Variants in MATR3 observed in about 807,000 individuals in gnomAD.
MATR3 encodes the protein matrin-3.
Under a neutral mutation model 85.5 loss-of-function variants are expected in MATR3, and 4 were observed. The ratio of observed to expected loss-of-function variants is 0.05; its 90% confidence interval spans 0.02 to 0.11. The LOEUF (loss-of-function observed/expected upper bound fraction) is 0.11, where lower values mean the gene tolerates loss of function less well. MATR3 is among the 10% of genes least tolerant of loss of function. MATR3 has a pLI of 1.00. For synonymous variants in MATR3, 336 were observed against 343.1 expected (o/e 0.98, Z 0.23); for missense variants, 685 against 1,016.1 (o/e 0.67, Z 4.43).
exon 1 of MATR3, chr5:139,274,150 G>A (rs568611555): frequency 2.1e-5 from 9 of 429,776 alleles, no homozygotes; most frequent in East Asian, 1.4e-4. Context: ...GCGGAGCTCC[G>A]AACACGTGCG....
intron 3 of MATR3, chr5:139,283,222 G>C (rs766534885): frequency 2.6e-5 from 4 of 152,230 alleles, no homozygotes; most frequent in Non-Finnish European, 5.9e-5. Context: ...TTGAAGGAGA[G>C]GGAAGATGCC....
intron 1 of MATR3, among the ~76,000 whole-genome samples, chr5:139,304,588 G>C (rs1389336870): frequency 6.6e-6 from 1 of 152,166 alleles, no homozygotes; most frequent in Non-Finnish European, 1.5e-5. Flanking sequence ...TAGTTTTTAG[G>C]GGGGTGCAGG....
In MATR3 at chr5:139,331,156, C is replaced by G. The variant is rs1408445740; in HGVS notation, c.*1761C>G. The G allele has an allele frequency of 4.4e-6, 2 of 454,072 alleles. No individual in the cohort carries two copies. Among genetic ancestry groups the G allele is most frequent in the Non-Finnish European group, 4.4e-6 (1 of 226,776 alleles). The allele number at this position is 454,072 out of a possible 1,614,324, so 28.1% of individuals were successfully genotyped here. On this transcript the variant is annotated 3_prime_UTR_variant, in exon 15 of 15. Transcript: ENST00000394805. ...GGATAGGCATTGTCTTTCAAATGTT[C>G]AGACCCCAGTTTATTAAAGGATACT...
intron 9 of MATR3, among the ~76,000 whole-genome samples, chr5:139,320,878 G>T (rs142101620): frequency 6.7e-6 from 1 of 148,298 alleles, no homozygotes; most frequent in African/African-American, 2.5e-5. Flanking sequence ...TTCCCCAGTA[G>T]CTGGGACCAC....
intron 3 of MATR3, chr5:139,283,376 T>C (rs1021322446): frequency 3.9e-5 from 6 of 152,148 alleles, no homozygotes; most frequent in Non-Finnish European, 7.3e-5. Context: ...CCCCAGCAAG[T>C]GATGGGTTGG....
chr5:139,320,571 TC>T (rs1293956396), intron 9 of MATR3, among the ~76,000 whole-genome samples: 1 of 152,130 alleles, frequency 6.6e-6, no homozygotes, highest in Non-Finnish European at 1.5e-5. Flanking sequence ...CCACTGTACT[TC>T]AGCATAGGCA....
At chr5:139,310,246 CT>C (rs1275063346) in intron 2 of MATR3, 1 of 152,146 alleles carries the variant, frequency 6.6e-6, no homozygotes, top group Non-Finnish European at 1.5e-5. Context: ...GCAAGAGGTA[CT>C]TTTAGCCTGT....
At chr5:139,326,955 A>C (rs1456321677) in intron 14 of MATR3, among the ~76,000 whole-genome samples, 2 of 152,232 alleles carry the variant, frequency 1.3e-5, no homozygotes, top group African/African-American at 4.8e-5. Context: ...AATAATTTTT[A>C]ATATTGACAT....
intron 2 of MATR3, among the ~76,000 whole-genome samples, chr5:139,276,540 CTG>C (rs1753282524): frequency 6.6e-6 from 1 of 152,178 alleles, no homozygotes; most frequent in African/African-American, 2.4e-5. Flanking sequence ...AAGGTTTAAT[CTG>C]TGAGAGCATG....
intron 14 of MATR3, among the ~76,000 whole-genome samples, chr5:139,326,926 G>A (rs1425148989): frequency 6.6e-6 from 1 of 152,094 alleles, no homozygotes; most frequent in East Asian, 1.9e-4. Context: ...ACTAAAAGTG[G>A]CATGACCATT....
At chr5:139,321,699 G>A (rs1308339290) in intron 9 of MATR3, 199 bp from the exon 10 acceptor site, 2 of 589,522 alleles carry the variant, frequency 3.4e-6, no homozygotes, top group Admixed American at 5.9e-5. Context: ...GGGAGGATCA[G>A]TTGGGCCCAG....
rs943871644 is a variant in MATR3 at position 139,330,340 on chromosome 5, A to G, written c.*945A>G. The G allele has an allele frequency of 2.2e-6, 1 of 454,330 alleles. No individual in the cohort carries two copies. Among genetic ancestry groups the G allele is most frequent in the East Asian group, 6.9e-5 (1 of 14,412 alleles). The allele number at this position is 454,330 out of a possible 1,614,324, so 28.1% of individuals were successfully genotyped here. On this transcript the variant is annotated 3_prime_UTR_variant, in exon 15 of 15. Transcript: ENST00000394805. Reference sequence around the variant, plus strand: ...TGTTTACTTGTAACTTTCTGGTTATATACTGCTTATATCTGTGGATTCAAG... The same window carrying G: ...TGTTTACTTGTAACTTTCTGGTTATGTACTGCTTATATCTGTGGATTCAAG...
At chr5:139,295,969 G>T (rs951388329) in intron 1 of MATR3, among the ~76,000 whole-genome samples, 2 of 152,066 alleles carry the variant, frequency 1.3e-5, no homozygotes, top group African/African-American at 4.8e-5. Flanking sequence ...GATCACAGGC[G>T]CGCGCCACCA....
chr5:139,313,104 T>C (rs1378309171), intron 2 of MATR3: 3 of 151,888 alleles, frequency 2.0e-5, no homozygotes. Flanking sequence ...TCTTGTAATT[T>C]GGTACCTTGG....
intron 3 of MATR3, among the ~76,000 whole-genome samples, chr5:139,281,790 T>A (rs1753539392): frequency 6.6e-6 from 1 of 152,208 alleles, no homozygotes; most frequent in Non-Finnish European, 1.5e-5. Flanking sequence ...TTTCATTGCT[T>A]AGGCCAAGTT....
At chr5:139,297,471 C>T (rs1754215751) in intron 1 of MATR3, among the ~76,000 whole-genome samples, 1 of 152,012 alleles carries the variant, frequency 6.6e-6, no homozygotes, top group Admixed American at 6.6e-5. Flanking sequence ...AGAAAACAAG[C>T]CTATGGGTTG....
At chr5:139,282,755 C>A (rs1581202199) in intron 3 of MATR3, 1 of 152,328 alleles carries the variant, frequency 6.6e-6, no homozygotes, top group East Asian at 1.9e-4. Flanking sequence ...GTTGAAGATA[C>A]CACATTACAC....
At position 139,315,841 on chromosome 5, in the gene MATR3, T is replaced by C. The variant is rs1212326124; in HGVS notation, c.1016+103T>C. ...AAACAAAGTATTTTCAGAATTTCTT[T>C]ACTGAAAATGAGACTTTGATAAAAT... On this transcript the variant is annotated intron_variant, in intron 4 of 14. Coordinates refer to ENST00000394805, the MANE Select transcript of MATR3 (RefSeq NM_018834.6). The C allele has an allele frequency of 1.7e-5, 18 of 1,031,744 alleles. No individual in the cohort carries two copies. The East Asian group carries it at 4.1e-4, about 23-fold the overall frequency. 63.9% of individuals were successfully genotyped at this position (1,031,744 alleles called of 1,614,324 possible).
chr5:139,316,410 T>C (rs1755246377), intron 5 of MATR3, among the ~76,000 whole-genome samples: 1 of 151,974 alleles, frequency 6.6e-6, no homozygotes, highest in Non-Finnish European at 1.5e-5. Flanking sequence ...CACGCCCAGC[T>C]AATTTTCGTA....
Sources: gnomAD v4.1 joint callset for allele counts (sites outside exome capture counted in the v4.1 genomes callset) on GRCh38, gnomAD v4.1.1 for gene constraint, MANE v1.5 for transcripts, NCBI Gene and HGNC (gene_info 2026-07-23, HGNC 2026-07-21) for gene names.